SSUH2: variants seen among roughly 807,000 people sequenced by gnomAD.
SSUH2 encodes ssu-2 homolog.
A neutral mutation model predicts 55.3 loss-of-function variants in SSUH2; 47 were observed. That is an observed-to-expected ratio of 0.85 (90% CI 0.67 to 1.08). The LOEUF is 1.08. SSUH2 is among the 50% of genes least tolerant of loss of function. The pLI is 0.00. For missense variants in SSUH2, 535 were observed against 490.7 expected, an observed-to-expected ratio of 1.09 and a Z score of -0.85; for synonymous variants, 212 against 191.5, an observed-to-expected ratio of 1.11 and a Z score of -0.89.
intron 2 of SSUH2, among the ~76,000 whole-genome samples, chr3:8,679,420 C>A (rs1249998511): frequency 1.9e-4 from 26 of 140,280 alleles, no homozygotes; most frequent in East Asian, 7.0e-4. Flanking sequence ...TCTTCCCCCC[C>A]TGGCTCTTAG....
intron 6 of SSUH2, among the ~76,000 whole-genome samples, chr3:8,630,528 G>C (rs1199680176): frequency 6.6e-6 from 1 of 152,200 alleles, no homozygotes; most frequent in Non-Finnish European, 1.5e-5. Flanking sequence ...CACTCAACCT[G>C]TCCAGGAATG....
At chr3:8,654,047 G>A (rs1020207964) in intron 7 of SSUH2, among the ~76,000 whole-genome samples, 2 of 152,218 alleles carry the variant, frequency 1.3e-5, no homozygotes, top group African/African-American at 4.8e-5. Flanking sequence ...TTAAATGACA[G>A]AAATGTATTT....
chr3:8,655,735 T>C (rs563454717), intron 7 of SSUH2, among the ~76,000 whole-genome samples: 3 of 152,354 alleles, frequency 2.0e-5, no homozygotes, highest in East Asian at 1.9e-4. Context: ...GAAAGCACCA[T>C]TCCTTTGTTC....
At chr3:8,649,439 C>T (rs1702131890), upstream of SSUH2, among the ~76,000 whole-genome samples, 1 of 152,124 alleles carries the variant, frequency 6.6e-6, no homozygotes, top group African/African-American at 2.4e-5. Flanking sequence ...TGGTGACCTC[C>T]TTCAGTGTTA....
chr3:8,678,262 A>G (rs1420023758), intron 2 of SSUH2, among the ~76,000 whole-genome samples: 3 of 152,080 alleles, frequency 2.0e-5, no homozygotes, highest in Non-Finnish European at 4.4e-5. Context: ...TATTTGGAGT[A>G]ATATCAACCT....
At chr3:8,668,281 A>C (rs921962654) in intron 5 of SSUH2, among the ~76,000 whole-genome samples, 45 of 152,316 alleles carry the variant, frequency 3.0e-4, no homozygotes, top group Admixed American at 8.5e-4. Context: ...CACACACAAA[A>C]AAGGCAAACA....
chr3:8,635,671 C>A, intron 2 of SSUH2, 88 bp downstream of exon 2: 1 of 1,274,068 alleles, frequency 7.8e-7, no homozygotes, highest in Non-Finnish European at 1.1e-6. Context: ...GGGGAGCTAT[C>A]TCAGCACCAC....
chr3:8,643,633 T>G (rs1244463592), intron 1 of SSUH2, among the ~76,000 whole-genome samples: 1 of 152,164 alleles, frequency 6.6e-6, no homozygotes, highest in African/African-American at 2.4e-5. Context: ...GGTCTAAAAC[T>G]TAAAGCTTTA....
At chr3:8,650,913 G>T (rs893287767) in intron 7 of SSUH2, among the ~76,000 whole-genome samples, 1 of 152,232 alleles carries the variant, frequency 6.6e-6, no homozygotes, top group Non-Finnish European at 1.5e-5. Context: ...TCCTCACTGG[G>T]CTAGAAAATG....
chr3:8,658,759 T>G (rs1703192243), intron 7 of SSUH2, among the ~76,000 whole-genome samples: 1 of 152,222 alleles, frequency 6.6e-6, no homozygotes, highest in African/African-American at 2.4e-5. Flanking sequence ...AAAAGCCTTG[T>G]GCCTGCATGA....
rs1436218378 is a variant in SSUH2 at position 8,678,984 on chromosome 3, C to A, written c.-901+721G>T. ...CGCCCATCGCAGGGCGGAGAGTCAC[C>A]CCCCGCGAGGTGGGGACTGAGAGCC... On this transcript the variant is annotated intron_variant, in intron 2 of 18. Transcript: ENST00000317371. Among the ~76,000 whole-genome samples, 2 of 109,816 alleles carry A rather than the reference C, an allele frequency of 1.8e-5. 1 individual carries two copies. Among genetic ancestry groups the A allele is most frequent in the African/African-American group, 6.0e-5 (2 of 33,064 alleles). 72.0% of individuals were successfully genotyped at this position (109,816 alleles called of 152,430 possible). A position where few individuals can be genotyped will look rare whatever the true frequency, so the allele number is the denominator to read the frequency against.
intron 5 of SSUH2, among the ~76,000 whole-genome samples, chr3:8,668,510 T>C (rs1490238240): frequency 6.6e-6 from 1 of 152,312 alleles, no homozygotes; most frequent in East Asian, 1.9e-4. Context: ...TCCTCATTAA[T>C]CTCATTACTT....
intron 1 of SSUH2, among the ~76,000 whole-genome samples, chr3:8,680,742 C>T (rs1222174090): frequency 6.6e-6 from 1 of 152,124 alleles, no homozygotes; most frequent in East Asian, 1.9e-4. Context: ...GCATCTCACA[C>T]AGGGGTGTAT....
chr3:8,661,883 G>A (rs1703527513), intron 6 of SSUH2, among the ~76,000 whole-genome samples: 2 of 152,144 alleles, frequency 1.3e-5, no homozygotes, highest in African/African-American at 2.4e-5. Flanking sequence ...TGAATCATGG[G>A]GATGGTTTCC....
chr3:8,629,561 A>T (rs1226658132), intron 7 of SSUH2, 103 bp downstream of exon 7: 2 of 953,424 alleles, frequency 2.1e-6, no homozygotes, highest in Non-Finnish European at 3.3e-6. Context: ...GAGATGACAC[A>T]GTTACTGCAG....
exon 4 of SSUH2, chr3:8,671,986 G>C (rs1260159244): frequency 6.6e-6 from 1 of 152,072 alleles, no homozygotes; most frequent in Admixed American, 6.6e-5. Flanking sequence ...CTATATTATA[G>C]ACGGGTGTAC....
intron 5 of SSUH2, among the ~76,000 whole-genome samples, chr3:8,668,551 C>A (rs1253687064): frequency 1.3e-5 from 2 of 152,172 alleles, no homozygotes; most frequent in Non-Finnish European, 2.9e-5. Flanking sequence ...TCAAAGACAT[C>A]ATCAACTTAA....
At chr3:8,630,772 C>G in intron 6 of SSUH2, 33 bp downstream of exon 6, 1 of 1,345,710 alleles carries the variant, frequency 7.4e-7, no homozygotes, top group Non-Finnish European at 9.6e-7. Flanking sequence ...GGGAGAAGGG[C>G]AAGTATTCCA....
At chr3:8,630,575 G>A (rs1025533948) in intron 6 of SSUH2, among the ~76,000 whole-genome samples, 8 of 152,296 alleles carry the variant, frequency 5.3e-5, no homozygotes, top group Non-Finnish European at 8.8e-5. Flanking sequence ...TTTGTAAATC[G>A]GATGATCTGT....
Sources: gnomAD v4.1 joint callset for allele counts (sites outside exome capture counted in the v4.1 genomes callset) on GRCh38, gnomAD v4.1.1 for gene constraint, MANE v1.5 for transcripts, NCBI Gene and HGNC (gene_info 2026-07-23, HGNC 2026-07-21) for gene names.